The following CCNY variants were observed in gnomAD, a reference collection of about 807,000 sequenced individuals.
The protein encoded by CCNY is cyclin Y.
CCNY carries 19 observed loss-of-function variants against 42.8 expected under a neutral mutation model. The observed-to-expected ratio is 0.44, with a 90% confidence interval of 0.31 to 0.65. CCNY has a LOEUF of 0.65. Ranked by LOEUF, CCNY falls within the 30% of genes least tolerant of loss-of-function variation. The pLI is 0.07. For missense variants in CCNY, 370 were observed against 437.3 expected, an observed-to-expected ratio of 0.85 and a Z score of 1.37; for synonymous variants, 165 against 162.7, an observed-to-expected ratio of 1.01 and a Z score of -0.11.
intron 1 of CCNY, among the ~76,000 whole-genome samples, chr10:35,429,490 C>G (rs1838338208): frequency 6.6e-6 from 1 of 152,068 alleles, no homozygotes; most frequent in African/African-American, 2.4e-5. Flanking sequence ...TAAAGGAGTC[C>G]TGAGACAAAA....
At chr10:35,556,147 T>TG (rs1228046226) in intron 8 of CCNY, among the ~76,000 whole-genome samples, 3 of 152,236 alleles carry the variant, frequency 2.0e-5, no homozygotes, top group Non-Finnish European at 4.4e-5. Flanking sequence ...TAGTGACTCA[T>TG]GCAGCATTTG....
At chr10:35,542,961 A>G (rs1237522549) in intron 7 of CCNY, among the ~76,000 whole-genome samples, 2 of 152,374 alleles carry the variant, frequency 1.3e-5, no homozygotes, top group East Asian at 1.9e-4. Flanking sequence ...CAAATTCAGT[A>G]AAGTTAAAGG....
At chr10:35,380,336 T>C (rs1049026654) in intron 1 of CCNY, among the ~76,000 whole-genome samples, 3 of 152,206 alleles carry the variant, frequency 2.0e-5, no homozygotes, top group African/African-American at 7.2e-5. Context: ...ATTTCTCTAA[T>C]GTCTTTCCCT....
At chr10:35,316,126 T>C (rs1835756812) in intron 3 of CCNY, among the ~76,000 whole-genome samples, 1 of 152,226 alleles carries the variant, frequency 6.6e-6, no homozygotes, top group South Asian at 2.1e-4. Flanking sequence ...GGATATTCCA[T>C]TGTGTGGATC....
intron 1 of CCNY, among the ~76,000 whole-genome samples, chr10:35,425,080 T>C (rs1307660422): frequency 2.0e-5 from 3 of 152,226 alleles, no homozygotes; most frequent in African/African-American, 7.2e-5. Context: ...GCTGTGAGCA[T>C]GTATAGTCAT....
chr10:35,402,645 G>A (rs1320649481), intron 1 of CCNY, among the ~76,000 whole-genome samples: 6 of 152,198 alleles, frequency 3.9e-5, no homozygotes, highest in Non-Finnish European at 8.8e-5. Flanking sequence ...GAATTTGATA[G>A]TGTGGTAGAG....
intron 3 of CCNY, among the ~76,000 whole-genome samples, chr10:35,264,847 TC>T (rs1357337416): frequency 6.6e-6 from 1 of 152,160 alleles, no homozygotes; most frequent in African/African-American, 2.4e-5. Flanking sequence ...CAGGCTGGTC[TC>T]AAACTCCTGA....
chr10:35,550,249 C>T (rs1841223972), intron 7 of CCNY, among the ~76,000 whole-genome samples: 1 of 150,380 alleles, frequency 6.6e-6, no homozygotes. Flanking sequence ...CTACACTGTT[C>T]ATGACCCTGT....
chr10:35,354,645 A>G (rs1836504380), intron 1 of CCNY, among the ~76,000 whole-genome samples: 1 of 152,218 alleles, frequency 6.6e-6, no homozygotes, highest in South Asian at 2.1e-4. Context: ...CACGACAAAC[A>G]TGGATTAAGA....
chr10:35,450,772 G>A (rs1011405174), intron 1 of CCNY, among the ~76,000 whole-genome samples: 12 of 150,994 alleles, frequency 7.9e-5, no homozygotes, highest in Non-Finnish European at 1.2e-4. Context: ...ATTTAAATTC[G>A]GTGGGAGATA....
upstream of CCNY, among the ~76,000 whole-genome samples, chr10:35,332,860 T>G (rs1414027147): frequency 1.3e-5 from 2 of 152,156 alleles, no homozygotes; most frequent in Non-Finnish European, 2.9e-5. Context: ...CACCTCAGCC[T>G]CCCAAACTGC....
chr10:35,567,228 G>A (rs574761286), intron 9 of CCNY, among the ~76,000 whole-genome samples: 2 of 152,224 alleles, frequency 1.3e-5, no homozygotes, highest in African/African-American at 4.8e-5. Flanking sequence ...CTTTTCCATA[G>A]CCCAGTTAGA....
intron 1 of CCNY, among the ~76,000 whole-genome samples, chr10:35,471,349 C>T (rs1004005066): frequency 2.0e-5 from 3 of 152,168 alleles, no homozygotes; most frequent in Non-Finnish European, 4.4e-5. Context: ...CTGTGCTTTT[C>T]TGCTTTACTT....
intron 3 of CCNY, among the ~76,000 whole-genome samples, chr10:35,321,312 C>CAA (rs34524996): frequency 6.6e-6 from 1 of 152,096 alleles, no homozygotes; most frequent in Non-Finnish European, 1.5e-5. Flanking sequence ...CTATGAACTA[C>CAA]AAGACTAAAT....
intron 3 of CCNY, among the ~76,000 whole-genome samples, chr10:35,300,206 G>A (rs1835517264): frequency 6.6e-6 from 1 of 152,184 alleles, no homozygotes; most frequent in Non-Finnish European, 1.5e-5. Context: ...GCTCTGTCTA[G>A]CTTACTCATC....
Position 35,570,436 on chromosome 10 carries a change from C to T in CCNY, c.*1266C>T, listed in dbSNP as rs1447514713. 6.6e-6 allele frequency: 1 copy of T among 152,250 alleles called. No individual in the cohort carries two copies. The highest frequency in any genetic ancestry group is 2.4e-5 in the African/African-American group (1 of 41,424). The allele number at this position is 152,250 out of a possible 1,614,324, so 9.4% of individuals were successfully genotyped here. A position where few individuals can be genotyped will look rare whatever the true frequency, so the allele number is the denominator to read the frequency against. On this transcript the variant is annotated 3_prime_UTR_variant, in exon 10 of 10. Transcript: ENST00000374704. ...AATTATGACCATACTTTTTCATTTT[C>T]TGACGATCCCTGATTTCCTTATGGA...
intron 3 of CCNY, chr10:35,314,757 G>A (rs903628808): frequency 6.6e-6 from 1 of 152,062 alleles, no homozygotes; most frequent in African/African-American, 2.4e-5. Context: ...ATTGAAGTCT[G>A]ATTCTTGCAA....
intron 8 of CCNY, among the ~76,000 whole-genome samples, chr10:35,564,369 A>T (rs978498202): frequency 6.6e-6 from 1 of 151,586 alleles, no homozygotes; most frequent in African/African-American, 2.4e-5. Flanking sequence ...CAGCAGCTTC[A>T]TGTCTCCCCA....
chr10:35,346,534 T>G (rs1836307099), intron 1 of CCNY, among the ~76,000 whole-genome samples: 1 of 152,234 alleles, frequency 6.6e-6, no homozygotes, highest in Non-Finnish European at 1.5e-5. Context: ...ACTGCCACTT[T>G]GTTGCCTTGC....
Sources: gnomAD v4.1 joint callset for allele counts (sites outside exome capture counted in the v4.1 genomes callset) on GRCh38, gnomAD v4.1.1 for gene constraint, MANE v1.5 for transcripts, NCBI Gene and HGNC (gene_info 2026-07-23, HGNC 2026-07-21) for gene names.